The following GTF2B variants were observed in gnomAD, a reference collection of about 807,000 sequenced individuals.
GTF2B encodes transcription initiation factor IIB.
Under a neutral mutation model 34.6 loss-of-function variants are expected in GTF2B, and 20 were observed. The ratio of observed to expected loss-of-function variants is 0.58; its 90% confidence interval spans 0.41 to 0.84. GTF2B has a LOEUF of 0.84. Among genes scored for constraint, GTF2B ranks in the 40% least tolerant of loss-of-function variants. The pLI is 0.00. For missense variants in GTF2B, 237 were observed against 393.3 expected (o/e 0.60, Z 3.36); for synonymous variants, 142 against 132.4 (o/e 1.07, Z -0.50).
At chr1:88,886,015 A>C (rs747207631) in intron 2 of GTF2B, among the ~76,000 whole-genome samples, 1 of 152,214 alleles carries the variant, frequency 6.6e-6, no homozygotes, top group Non-Finnish European at 1.5e-5. Context: ...CTGTAAAATG[A>C]AGATAATGGT....
intron 3 of GTF2B, 52 bp from the exon 4 acceptor site, chr1:88,860,338 T>C (rs1214803599): frequency 2.1e-5 from 28 of 1,320,176 alleles, no homozygotes; most frequent in Non-Finnish European, 3.0e-5. Flanking sequence ...GCATGAAAAA[T>C]GGACAATTTC....
intron 5 of GTF2B, 52 bp from the exon 6 acceptor site, chr1:88,857,539 C>A: frequency 1.1e-6 from 1 of 895,814 alleles, no homozygotes; most frequent in Non-Finnish European, 1.7e-6. Context: ...TATAGTTCAT[C>A]TTAAAATCTA....
intron 2 of GTF2B, among the ~76,000 whole-genome samples, chr1:88,878,054 AGGCCAGAC>A (rs1673853693): frequency 6.6e-6 from 1 of 152,234 alleles, no homozygotes; most frequent in Non-Finnish European, 1.5e-5. Flanking sequence ...AGACTGCTTA[AGGCCAGAC>A]GTTCAAGACC....
chr1:88,865,806 G>A (rs184063683), intron 2 of GTF2B, among the ~76,000 whole-genome samples: 22 of 151,088 alleles, frequency 1.5e-4, no homozygotes, highest in African/African-American at 5.4e-4. Flanking sequence ...AACTGAGATC[G>A]CAACAAGAGG....
intron 5 of GTF2B, 35 bp from the exon 6 acceptor site, chr1:88,857,522 T>G (rs1673339729): frequency 1.8e-6 from 2 of 1,105,144 alleles, no homozygotes; most frequent in Non-Finnish European, 2.7e-6. Context: ...TCAATTCACT[T>G]AAGCCATATA....
At chr1:88,879,526 G>A (rs1673886783) in intron 2 of GTF2B, among the ~76,000 whole-genome samples, 1 of 151,336 alleles carries the variant, frequency 6.6e-6, no homozygotes, top group South Asian at 2.1e-4. Flanking sequence ...GGAGGTTGCA[G>A]TGAGCCGAGA....
At chr1:88,889,733 T>C (rs550129523) in intron 1 of GTF2B, among the ~76,000 whole-genome samples, 1 of 152,288 alleles carries the variant, frequency 6.6e-6, no homozygotes, top group African/African-American at 2.4e-5. Flanking sequence ...AAATATTATA[T>C]TTAGGCTGGG....
rs947445601 is a variant in GTF2B at position 88,853,043 on chromosome 1, A to C, written c.*170T>G. 4 of 563,158 alleles carry C rather than the reference A, an allele frequency of 7.1e-6. No homozygotes were observed. Among genetic ancestry groups the C allele is most frequent in the Non-Finnish European group, 1.3e-5 (4 of 316,598 alleles). 34.9% of individuals were successfully genotyped at this position (563,158 alleles called of 1,614,324 possible). On this transcript the variant is annotated 3_prime_UTR_variant, in exon 7 of 7. Transcript: ENST00000370500. ...TTTGATAAGAAATTTAAATCATTAA[A>C]TATGTTTCACTAGTATATACATACA...
chr1:88,875,940 C>T (rs935247984), intron 2 of GTF2B, among the ~76,000 whole-genome samples: 4 of 152,126 alleles, frequency 2.6e-5, no homozygotes, highest in Non-Finnish European at 5.9e-5. Flanking sequence ...GAGCTAGTTA[C>T]CTAAGCACTC....
intron 1 of GTF2B, among the ~76,000 whole-genome samples, chr1:88,888,871 G>A (rs1674131315): frequency 6.6e-6 from 1 of 152,174 alleles, no homozygotes; most frequent in South Asian, 2.1e-4. Context: ...ATCAGGATGT[G>A]GTTTTCTCAA....
intron 2 of GTF2B, among the ~76,000 whole-genome samples, chr1:88,871,977 C>T (rs867549433): frequency 6.6e-6 from 1 of 152,202 alleles, no homozygotes; most frequent in South Asian, 2.1e-4. Flanking sequence ...AGGTAGTCCA[C>T]CCACCTCAGC....
chr1:88,862,886 C>T (rs899313568), intron 3 of GTF2B, among the ~76,000 whole-genome samples: 5 of 151,774 alleles, frequency 3.3e-5, no homozygotes, highest in Non-Finnish European at 7.4e-5. Context: ...CCACCCACCT[C>T]GGCCTCCCAA....
intron 2 of GTF2B, among the ~76,000 whole-genome samples, chr1:88,866,920 C>T (rs539813007): frequency 2.0e-5 from 3 of 152,254 alleles, no homozygotes; most frequent in African/African-American, 7.2e-5. Context: ...TGGCCCGAAA[C>T]AAGGAGAAAA....
At chr1:88,888,973 T>TCATA (rs1467771820) in intron 1 of GTF2B, among the ~76,000 whole-genome samples, 3 of 152,216 alleles carry the variant, frequency 2.0e-5, no homozygotes, top group African/African-American at 7.2e-5. Context: ...GAGCTATATG[T>TCATA]ATGTGCTCAC....
chr1:88,853,794 T>TAAATAAATAAATAAATAAA (rs1363724599), intron 6 of GTF2B, among the ~76,000 whole-genome samples: 4 of 152,172 alleles, frequency 2.6e-5, no homozygotes, highest in Admixed American at 6.6e-5. Flanking sequence ...GAGAGCAAGA[T>TAAATAAATAAATAAATAAA]TCCATCTCTA....
intron 2 of GTF2B, among the ~76,000 whole-genome samples, chr1:88,885,201 G>T (rs1016410747): frequency 7.9e-5 from 12 of 152,346 alleles, no homozygotes; most frequent in East Asian, 1.9e-4. Context: ...CACTTTGGGA[G>T]GCTGAGGCTG....
chr1:88,864,379 G>A (rs2100966981), intron 2 of GTF2B, among the ~76,000 whole-genome samples: 1 of 152,274 alleles, frequency 6.6e-6, no homozygotes, highest in Admixed American at 6.5e-5. Flanking sequence ...GCAAAGTACA[G>A]CTATTCATAT....
intron 2 of GTF2B, among the ~76,000 whole-genome samples, chr1:88,872,065 C>T (rs1457159426): frequency 6.6e-6 from 1 of 152,114 alleles, no homozygotes; most frequent in African/African-American, 2.4e-5. Flanking sequence ...CTTTTTGTAC[C>T]AAATGACAAA....
intron 2 of GTF2B, among the ~76,000 whole-genome samples, chr1:88,868,224 A>G (rs565609454): frequency 6.6e-6 from 1 of 152,380 alleles, no homozygotes; most frequent in South Asian, 2.1e-4. Flanking sequence ...GGTATAATCT[A>G]TAGTCAACTT....
Sources: allele counts gnomAD v4.1 joint callset (sites outside exome capture counted in the v4.1 genomes callset), GRCh38; gene constraint gnomAD v4.1.1; transcripts MANE v1.5; gene names NCBI Gene and HGNC (gene_info 2026-07-23, HGNC 2026-07-21).